The following ZMIZ1 variants were observed in gnomAD, a reference collection of about 807,000 sequenced individuals.
The protein encoded by ZMIZ1 is zinc finger MIZ domain-containing protein 1.
Under a neutral mutation model 113.9 loss-of-function variants are expected in ZMIZ1, and 17 were observed. The ratio of observed to expected loss-of-function variants is 0.15; its 90% CI spans 0.10 to 0.22. The LOEUF is 0.22. Among genes scored for constraint, ZMIZ1 ranks in the 10% least tolerant of loss-of-function variants. The probability of loss-of-function intolerance (pLI) is 1.00; values close to 1 mark genes in which losing one functional copy is unlikely to be tolerated. For missense variants in ZMIZ1, 1,059 were observed against 1,477.8 expected (o/e 0.72, Z 4.65); for synonymous variants, 607 against 603.1 (o/e 1.01, Z -0.09).
At chr10:79,240,453 G>C (rs866279495) in intron 7 of ZMIZ1, among the ~76,000 whole-genome samples, 9 of 152,132 alleles carry the variant, frequency 5.9e-5, no homozygotes, top group African/African-American at 2.2e-4. Flanking sequence ...TGGAGTGCCC[G>C]TATTTCTGTA....
intron 4 of ZMIZ1, among the ~76,000 whole-genome samples, chr10:79,191,462 A>G (rs1370031148): frequency 6.6e-6 from 1 of 151,836 alleles, no homozygotes; most frequent in Non-Finnish European, 1.5e-5. Flanking sequence ...TCTCTTCCCC[A>G]CTTCATGGCA....
intron 8 of ZMIZ1, among the ~76,000 whole-genome samples, chr10:79,288,861 C>T (rs141979649): frequency 0.014 from 2,072 of 152,334 alleles, 22 homozygotes; most frequent in Non-Finnish European, 0.021. Flanking sequence ...CTCCTTGCTT[C>T]TGATACGTGA....
Position 79,296,145 on chromosome 10 carries a change from G to A in ZMIZ1, c.1231-326G>A. The A allele has an allele frequency of 2.7e-6, 1 of 364,934 alleles. No homozygotes were observed. The highest frequency in any genetic ancestry group is 5.0e-6 in the Non-Finnish European group (1 of 198,088). The allele number at this position is 364,934 out of a possible 1,614,324, so 22.6% of individuals were successfully genotyped here. Reference sequence around the variant, plus strand: ...AGCACAGCCCTAACCCAGGCACCAGGAGAGACACAAAGGTCGGGGGAGTTA... The same window carrying A: ...AGCACAGCCCTAACCCAGGCACCAGAAGAGACACAAAGGTCGGGGGAGTTA... On this transcript the variant is annotated intron_variant, in intron 12 of 24. Coordinates refer to ENST00000334512, the MANE Select transcript of ZMIZ1 (RefSeq NM_020338.4). The surrounding 1 kb of genome is among the most constrained non-coding windows in gnomAD (Gnocchi z 4.1).
At chr10:79,247,941 G>A (rs1282590842) in intron 7 of ZMIZ1, among the ~76,000 whole-genome samples, 2 of 152,204 alleles carry the variant, frequency 1.3e-5, no homozygotes, top group Non-Finnish European at 2.9e-5. Flanking sequence ...CCCCTCTGGG[G>A]GCCTGAGTGT....
At chr10:79,094,905 C>A (rs556030930) in intron 1 of ZMIZ1, among the ~76,000 whole-genome samples, 4 of 151,612 alleles carry the variant, frequency 2.6e-5, no homozygotes, top group Non-Finnish European at 5.9e-5. Flanking sequence ...GCCACAGTTG[C>A]GCCACTGCAG....
chr10:79,260,103 C>T (rs917981103), intron 7 of ZMIZ1, among the ~76,000 whole-genome samples: 3 of 152,210 alleles, frequency 2.0e-5, no homozygotes, highest in Non-Finnish European at 4.4e-5. Context: ...GAGGCACAGG[C>T]GTGACAGTGA....
intron 6 of ZMIZ1, among the ~76,000 whole-genome samples, chr10:79,213,191 G>T (rs886747924): frequency 6.6e-6 from 1 of 152,220 alleles, no homozygotes; most frequent in Non-Finnish European, 1.5e-5. Context: ...ATGACCACTG[G>T]GGTGAGAATG....
rs80266004 is a variant in ZMIZ1, at chr10:79,126,295, G to A, written c.-227+7271G>A. Among the ~76,000 whole-genome samples the A allele has an allele frequency of 2.0e-5, 3 of 152,308 alleles. No individual in the cohort carries two copies. In the South Asian group the frequency reaches 6.2e-4, roughly 32 times the overall value. ...ATAAAGTGGACTCAGGAAACCAGGG[G>A]CTGCCCTTCCCCTCATCAGCCCCCT... On this transcript the variant is annotated intron_variant, in intron 2 of 24. Transcript: ENST00000334512.
At chr10:79,199,721 C>T (rs1273290751) in intron 4 of ZMIZ1, among the ~76,000 whole-genome samples, 1 of 152,158 alleles carries the variant, frequency 6.6e-6, no homozygotes, top group Non-Finnish European at 1.5e-5. Context: ...GAAAGGGCAC[C>T]AGGGGACTGG....
At chr10:79,298,286 G>A in intron 14 of ZMIZ1, 120 bp from the exon 15 acceptor site, 1 of 1,114,754 alleles carries the variant, frequency 9.0e-7, no homozygotes, top group Non-Finnish European at 1.3e-6. Context: ...CCTGGAGGAG[G>A]CTCTCCTCCC....
At chr10:79,201,453 G>C (rs955742570) in intron 4 of ZMIZ1, 131 bp from the exon 5 acceptor site, 1 of 680,344 alleles carries the variant, frequency 1.5e-6, no homozygotes, top group Non-Finnish European at 2.5e-6. Context: ...GGGTACCCCA[G>C]GTGCAGCCCC....
chr10:79,281,921 C>T (rs770975322), intron 8 of ZMIZ1, among the ~76,000 whole-genome samples: 1 of 152,186 alleles, frequency 6.6e-6, no homozygotes, highest in African/African-American at 2.4e-5. Flanking sequence ...GGTGGTATCT[C>T]GTTGTTAACC....
chr10:79,268,225 G>A (rs1383278460), intron 7 of ZMIZ1, among the ~76,000 whole-genome samples: 1 of 152,224 alleles, frequency 6.6e-6, no homozygotes, highest in East Asian at 1.9e-4. Context: ...TGTATGAACT[G>A]TTGCTGCTGT....
chr10:79,255,017 C>T (rs1335296480), intron 7 of ZMIZ1, among the ~76,000 whole-genome samples: 1 of 152,230 alleles, frequency 6.6e-6, no homozygotes, highest in Non-Finnish European at 1.5e-5. Flanking sequence ...GGGCCTCCAG[C>T]CCGGGCTGGC....
chr10:79,083,461 A>G (rs541206854), intron 1 of ZMIZ1, among the ~76,000 whole-genome samples: 1 of 152,314 alleles, frequency 6.6e-6, no homozygotes, highest in African/African-American at 2.4e-5. Flanking sequence ...ATCAGGGACC[A>G]GGTGATAAGG....
At chr10:79,075,621 G>A (rs544525408) in intron 1 of ZMIZ1, among the ~76,000 whole-genome samples, 2 of 152,224 alleles carry the variant, frequency 1.3e-5, no homozygotes, top group Admixed American at 1.3e-4. Flanking sequence ...ATGCACACCT[G>A]CACACACATG....
At chr10:79,158,579 A>C (rs2132480563) in intron 3 of ZMIZ1, among the ~76,000 whole-genome samples, 1 of 152,304 alleles carries the variant, frequency 6.6e-6, no homozygotes, top group Non-Finnish European at 1.5e-5. Context: ...GCAGCCCTGG[A>C]GCCACCCCTG....
intron 2 of ZMIZ1, among the ~76,000 whole-genome samples, chr10:79,131,383 A>G (rs1844761677): frequency 6.6e-6 from 1 of 151,962 alleles, no homozygotes; most frequent in African/African-American, 2.4e-5. Flanking sequence ...GCCACACTGG[A>G]AGGTTTTTCA....
chr10:79,276,665 G>A lies in ZMIZ1; in HGVS notation c.281-516G>A, dbSNP rs763692290. 6.0e-4 allele frequency among the ~76,000 whole-genome samples: 91 copies of A among 152,340 alleles called. 1 individual carries two copies. The highest frequency in any genetic ancestry group is 1.1e-3 in the Non-Finnish European group (72 of 68,026). On this transcript the variant is annotated intron_variant, in intron 7 of 24. Coordinates refer to ENST00000334512, the MANE Select transcript of ZMIZ1 (RefSeq NM_020338.4). Reference sequence around the variant, plus strand: ...GGGACAGCCCTGCAGACACTCCTAGGTTGTCAGCAGATTCCAAGATTTTGT... The same window carrying A: ...GGGACAGCCCTGCAGACACTCCTAGATTGTCAGCAGATTCCAAGATTTTGT...
Sources: gnomAD v4.1 joint callset for allele counts (sites outside exome capture counted in the v4.1 genomes callset) on GRCh38, gnomAD v4.1.1 for gene constraint, Gnocchi (gnomAD v3.1) non-coding constraint, MANE v1.5 for transcripts, NCBI Gene and HGNC (gene_info 2026-07-23, HGNC 2026-07-21) for gene names.